The following BICRAL variants were observed in gnomAD, a reference collection of about 807,000 sequenced individuals.
BICRAL encodes the protein BICRA like chromatin remodeling complex associated protein.
Under a neutral mutation model 91.8 loss-of-function variants are expected in BICRAL, and 8 were observed. The observed-to-expected ratio is 0.09, with a 90% CI of 0.05 to 0.16. BICRAL has a LOEUF of 0.16. BICRAL is among the 10% of genes least tolerant of loss of function. BICRAL has a pLI of 1.00. For synonymous variants in BICRAL, 445 were observed against 491.1 expected, an observed-to-expected ratio of 0.91 and a Z score of 1.24; for missense variants, 1,038 against 1,310.9, an observed-to-expected ratio of 0.79 and a Z score of 3.21.
chr6:42,824,229 C>CA (rs1764223426), intron 5 of BICRAL, among the ~76,000 whole-genome samples: 1 of 144,612 alleles, frequency 6.9e-6, no homozygotes, highest in East Asian at 2.0e-4. Flanking sequence ...GACTCTGTCT[C>CA]AAAAAAATAA....
chr6:42,854,651 G>A (rs1330055978), intron 8 of BICRAL, among the ~76,000 whole-genome samples: 2 of 151,966 alleles, frequency 1.3e-5, no homozygotes, highest in Non-Finnish European at 2.9e-5. Context: ...CTGAGTAGCT[G>A]GGACTACAGG....
chr6:42,802,768 A>T (rs919105830), intron 1 of BICRAL, among the ~76,000 whole-genome samples: 16 of 151,632 alleles, frequency 1.1e-4, no homozygotes, highest in Admixed American at 9.2e-4. Flanking sequence ...TTTAATAGAG[A>T]TGAGGTCTCA....
At chr6:42,750,085 G>A (rs1736762092) in intron 1 of BICRAL, among the ~76,000 whole-genome samples, 1 of 151,252 alleles carries the variant, frequency 6.6e-6, no homozygotes, top group Non-Finnish European at 1.5e-5. Context: ...GGCTGGTCTC[G>A]AACTCCTGAC....
rs201897075 is a variant in BICRAL, at chr6:42,763,841, C to CA, written c.-261+16826dup. ...GTCTCAGAAAAAAACAAAAAACAAA[C>CA]AAAAAAAACGAGCGTTTTCAAAATG... On this transcript the variant is annotated intron_variant, in intron 1 of 14. Transcript: ENST00000614467. Among the ~76,000 whole-genome samples the CA allele has an allele frequency of 8.9e-3, 1,258 of 140,950 alleles. 18 individuals carry two copies. Among genetic ancestry groups the CA allele is most frequent in the African/African-American group, 0.03 (1,139 of 37,956 alleles). The allele number at this position is 140,950 out of a possible 152,430, so 92.5% of individuals were successfully genotyped here.
intron 6 of BICRAL, among the ~76,000 whole-genome samples, chr6:42,850,102 G>A (rs964158184): frequency 6.6e-5 from 10 of 152,028 alleles, no homozygotes; most frequent in Non-Finnish European, 1.5e-4. Context: ...GCATTGCCAG[G>A]GTCTATGTGA....
intron 1 of BICRAL, among the ~76,000 whole-genome samples, chr6:42,773,703 C>T (rs181653436): frequency 2.0e-5 from 3 of 152,072 alleles, no homozygotes; most frequent in Admixed American, 1.3e-4. Flanking sequence ...TTAGTAGAGA[C>T]AGGGTTTCTT....
intron 1 of BICRAL, among the ~76,000 whole-genome samples, chr6:42,786,040 AAC>A (rs58762622): frequency 0.067 from 10,164 of 152,260 alleles, 381 homozygotes; most frequent in Non-Finnish European, 0.085. Context: ...GGAGACAAAA[AAC>A]ACAGGTCAGG....
At chr6:42,790,484 C>A (rs1454994744) in intron 1 of BICRAL, among the ~76,000 whole-genome samples, 1 of 151,210 alleles carries the variant, frequency 6.6e-6, no homozygotes, top group Non-Finnish European at 1.5e-5. Context: ...CCGAGAAAAT[C>A]ATTTTTTATT....
intron 1 of BICRAL, among the ~76,000 whole-genome samples, chr6:42,767,222 A>G (rs1458903685): frequency 6.6e-6 from 1 of 151,508 alleles, no homozygotes; most frequent in Non-Finnish European, 1.5e-5. Context: ...AAGAGGAAAA[A>G]CTGTGTTGTA....
At chr6:42,820,933 A>G (rs933365309) in intron 2 of BICRAL, 1 of 152,216 alleles carries the variant, frequency 6.6e-6, no homozygotes, top group Admixed American at 6.5e-5. Flanking sequence ...ATTTTATACT[A>G]GTTTGGCCTT....
intron 6 of BICRAL, among the ~76,000 whole-genome samples, chr6:42,840,382 A>T (rs558786309): frequency 6.6e-6 from 1 of 151,920 alleles, no homozygotes; most frequent in East Asian, 2.0e-4. Flanking sequence ...AGCTGAGAGT[A>T]CAGGCATGTG....
chr6:42,846,347 G>A (rs1172328647), intron 6 of BICRAL, among the ~76,000 whole-genome samples: 2 of 151,808 alleles, frequency 1.3e-5, no homozygotes, highest in Non-Finnish European at 2.9e-5. Flanking sequence ...CAGCCTCGGC[G>A]ACAGAGCAAG....
chr6:42,831,485 A>G (rs1376224899), intron 6 of BICRAL, among the ~76,000 whole-genome samples: 4 of 152,214 alleles, frequency 2.6e-5, no homozygotes, highest in Non-Finnish European at 5.9e-5. Context: ...CATAAGGATT[A>G]TGTTTCTGAA....
At chr6:42,792,089 A>G (rs1763290516) in intron 1 of BICRAL, among the ~76,000 whole-genome samples, 1 of 152,168 alleles carries the variant, frequency 6.6e-6, no homozygotes, top group South Asian at 2.1e-4. Flanking sequence ...ACCATGAATG[A>G]AGCTTGGAGG....
At chr6:42,836,707 C>T (rs562266640) in intron 6 of BICRAL, among the ~76,000 whole-genome samples, 24 of 150,172 alleles carry the variant, frequency 1.6e-4, no homozygotes, top group African/African-American at 5.4e-4. Flanking sequence ...CTGCAACCTC[C>T]GCCTCCTGGG....
At chr6:42,839,441 G>C (rs1466211103) in intron 6 of BICRAL, among the ~76,000 whole-genome samples, 1 of 151,952 alleles carries the variant, frequency 6.6e-6, no homozygotes, top group Non-Finnish European at 1.5e-5. Flanking sequence ...ACCAGGCCCG[G>C]CCCAGGATTT....
chr6:42,818,971 C>T (rs1340791615), intron 2 of BICRAL, among the ~76,000 whole-genome samples: 1 of 152,034 alleles, frequency 6.6e-6, no homozygotes, highest in Admixed American at 6.6e-5. Flanking sequence ...GGGGTGCCTA[C>T]AGCCCCCTTC....
At position 42,828,883 on chromosome 6, in the gene BICRAL, G is replaced by A; in HGVS notation, c.550G>A (p.Val184Ile). 1 of 1,614,134 alleles carries A rather than the reference G, an allele frequency of 6.2e-7. No homozygotes were observed. The highest frequency in any genetic ancestry group is 8.5e-7 in the Non-Finnish European group (1 of 1,179,964). Residue 184 changes from valine to isoleucine, a missense_variant, in exon 6 of 13, where the codon GTA becomes ATA. Val to Ile is a conservative substitution (Grantham distance 29, BLOSUM62 3). This residue lies in a region of BICRAL where 532 missense variants were observed against 724.9 expected (regional missense o/e 0.73). Transcript: ENST00000314073. Reference sequence around the variant, plus strand: ...ATCGTTTGCAAGCAATACAGTGGGTGTACAACATGGCTTTATGCAACATGT... The same window carrying A: ...ATCGTTTGCAAGCAATACAGTGGGTATACAACATGGCTTTATGCAACATGT... ...GASFASNTVG[V>I]QHGFMQHVGI... is the part of the protein sequence containing the mutation.
chr6:42,862,212 T>C (rs950440351), intron 11 of BICRAL, among the ~76,000 whole-genome samples: 2 of 151,906 alleles, frequency 1.3e-5, no homozygotes, highest in Admixed American at 1.3e-4. Flanking sequence ...ACTATTTGGG[T>C]ACAAAATAAA....
Sources: gnomAD v4.1 joint callset for allele counts (sites outside exome capture counted in the v4.1 genomes callset) on GRCh38, gnomAD v4.1.1 for gene constraint, gnomAD v4.1.1 regional missense constraint, MANE v1.5 for transcripts, NCBI Gene and HGNC (gene_info 2026-07-23, HGNC 2026-07-21) for gene names.